The following MTX2 variants were observed in gnomAD, a reference collection of about 807,000 sequenced individuals.
MTX2 encodes the protein metaxin 2.
MTX2 carries 35 observed loss-of-function variants against 42.3 expected under a neutral mutation model. The ratio of observed to expected loss-of-function variants is 0.83; its 90% CI spans 0.63 to 1.10. MTX2 has a LOEUF of 1.10. MTX2 is among the 50% of genes least tolerant of loss of function. The pLI is 0.00. For synonymous variants in MTX2, 119 were observed against 100.9 expected, an observed-to-expected ratio of 1.18 and a Z score of -1.08; for missense variants, 307 against 304.1, an observed-to-expected ratio of 1.01 and a Z score of -0.07.
At chr2:176,270,686 G>A (rs1381304035) in intron 1 of MTX2, among the ~76,000 whole-genome samples, 21 of 152,142 alleles carry the variant, frequency 1.4e-4, no homozygotes, top group Non-Finnish European at 2.5e-4. Flanking sequence ...TCACTGCTTT[G>A]CGTTTGTGTG....
chr2:176,274,560 A>G (rs1453254403), intron 1 of MTX2, among the ~76,000 whole-genome samples: 1 of 152,160 alleles, frequency 6.6e-6, no homozygotes, highest in Admixed American at 6.5e-5. Context: ...CCACACACAC[A>G]CATGCATGTA....
chr2:176,334,043 G>A (rs151008474), intron 9 of MTX2, among the ~76,000 whole-genome samples: 1 of 151,732 alleles, frequency 6.6e-6, no homozygotes, highest in Non-Finnish European at 1.5e-5. Context: ...ATGTTCTAAA[G>A]TAACTTGCCA....
intron 3 of MTX2, among the ~76,000 whole-genome samples, chr2:176,312,181 G>A (rs558611033): frequency 1.3e-5 from 2 of 152,250 alleles, no homozygotes; most frequent in African/African-American, 4.8e-5. Flanking sequence ...TTTTAAAGCA[G>A]TGAGCTCTGA....
intron 3 of MTX2, among the ~76,000 whole-genome samples, chr2:176,303,647 A>C (rs897151551): frequency 1.3e-5 from 2 of 152,128 alleles, no homozygotes; most frequent in African/African-American, 4.8e-5. Flanking sequence ...AATAGAATTT[A>C]GCAGATTAAA....
rs141773754 is a variant in MTX2, at chr2:176,307,916, C to T, written c.135+10021C>T. 3.9e-5 allele frequency among the ~76,000 whole-genome samples: 6 copies of T among 152,206 alleles called. No homozygotes were observed. In the East Asian group the frequency reaches 1.2e-3, roughly 29 times the overall value. ...TCCTTCTCTTGCCTGATTGACCTGG[C>T]CAGAACTTCTAACACTGTGTTCAAT... On this transcript the variant is annotated intron_variant, in intron 3 of 9. Transcript: ENST00000249442.
intron 3 of MTX2, among the ~76,000 whole-genome samples, chr2:176,315,692 C>T (rs1361264038): frequency 6.6e-6 from 1 of 152,154 alleles, no homozygotes; most frequent in Non-Finnish European, 1.5e-5. Context: ...TTTTGGTTGC[C>T]TCTCTGATCC....
At chr2:176,292,753 T>C (rs894942223) in intron 1 of MTX2, among the ~76,000 whole-genome samples, 2 of 152,222 alleles carry the variant, frequency 1.3e-5, no homozygotes, top group African/African-American at 4.8e-5. Flanking sequence ...CATGTCATGG[T>C]TTACATGTAA....
Position 176,299,456 on chromosome 2 carries a change from A to G in MTX2, c.135+1561A>G, listed in dbSNP as rs74908415. 6.6e-3 allele frequency among the ~76,000 whole-genome samples: 1,011 copies of G among 152,250 alleles called. 4 individuals are homozygous for G. Among genetic ancestry groups the G allele is most frequent in the Non-Finnish European group, 0.011 (745 of 67,976 alleles). On this transcript the variant is annotated intron_variant, in intron 3 of 9. Transcript: ENST00000249442. The stretch of plus-strand genomic sequence containing the variant: ...TGTTAATTCTATTTTTATGATTTCT[A>G]TTAATTTGCTTTCTCAAATCATAGT...
chr2:176,312,022 C>T (rs188814779), intron 3 of MTX2, among the ~76,000 whole-genome samples: 82 of 152,282 alleles, frequency 5.4e-4, no homozygotes, highest in African/African-American at 1.5e-3. Context: ...CATTCCTGTT[C>T]GGCCCTCTTG....
At chr2:176,322,917 A>G (rs2105439422) in intron 3 of MTX2, among the ~76,000 whole-genome samples, 1 of 152,010 alleles carries the variant, frequency 6.6e-6, no homozygotes, top group Non-Finnish European at 1.5e-5. Flanking sequence ...TACATGTTGG[A>G]ATATAGGGTA....
intron 3 of MTX2, among the ~76,000 whole-genome samples, chr2:176,313,388 C>CTTTTTTTTTTTTTTTTTTTTTTT (rs1207416607): frequency 9.7e-6 from 1 of 103,510 alleles, no homozygotes; most frequent in African/African-American, 3.9e-5. Flanking sequence ...TACACTGATT[C>CTTTTTTTTTTTTTTTTTTTTTTT]TTTTTTTTTT....
chr2:176,272,622 A>T (rs2105390772), intron 1 of MTX2, among the ~76,000 whole-genome samples: 1 of 152,304 alleles, frequency 6.6e-6, no homozygotes, highest in African/African-American at 2.4e-5. Context: ...TCTGTTAAAT[A>T]CGTTGTCTTG....
intron 3 of MTX2, among the ~76,000 whole-genome samples, chr2:176,304,580 T>A (rs539781699): frequency 6.6e-6 from 1 of 152,016 alleles, no homozygotes. Flanking sequence ...AATTATTTTA[T>A]AGATAGATTT....
At chr2:176,317,102 C>G (rs1684465102) in intron 3 of MTX2, among the ~76,000 whole-genome samples, 1 of 150,444 alleles carries the variant, frequency 6.6e-6, no homozygotes, top group African/African-American at 2.4e-5. Context: ...CAAAAATTCA[C>G]ATGACTAAAA....
In MTX2 at chr2:176,281,772, A is replaced by C. The variant is rs73036831; in HGVS notation, c.40+12103A>C. Among the ~76,000 whole-genome samples, 1,251 of 152,094 alleles carry C rather than the reference A, an allele frequency of 8.2e-3. 18 individuals carry two copies. The highest frequency in any genetic ancestry group is 0.029 in the African/African-American group (1,208 of 41,484). ...ATAGAGGTTCTAAAGAAGGATGGGG[A>C]TAGATGGGGAGTTGGGGGTGAGTAG... On this transcript the variant is annotated intron_variant, in intron 1 of 9. Coordinates refer to ENST00000249442, the MANE Select transcript of MTX2 (RefSeq NM_006554.5).
chr2:176,326,084 C>T (rs1271276375), intron 4 of MTX2, among the ~76,000 whole-genome samples: 3 of 151,726 alleles, frequency 2.0e-5, no homozygotes, highest in African/African-American at 7.2e-5. Flanking sequence ...GTAGACCCTT[C>T]TTGCTATTTG....
intron 3 of MTX2, among the ~76,000 whole-genome samples, chr2:176,321,726 T>C (rs966576668): frequency 2.6e-5 from 4 of 152,110 alleles, no homozygotes; most frequent in Non-Finnish European, 4.4e-5. Flanking sequence ...GTCCAGAACT[T>C]TTAGTCCAGT....
rs1684801366 is a variant in MTX2 at position 176,329,428 on chromosome 2, T to C, written c.543+2T>C. 1.9e-6 allele frequency: 3 copies of C among 1,603,780 alleles called. No homozygotes were observed. The highest frequency in any genetic ancestry group is 2.6e-6 in the Non-Finnish European group (3 of 1,173,498). The stretch of plus-strand genomic sequence containing the variant: ...TGGGGAAAGAAGACTCTGGACCAGG[T>C]CAGTTCAGGTTGAAGTTGACAAAAC... On this transcript the variant is annotated splice_donor_variant, in intron 8 of 9. Coordinates refer to ENST00000249442, the MANE Select transcript of MTX2 (RefSeq NM_006554.5). LOFTEE classifies it high-confidence loss of function.
intron 3 of MTX2, among the ~76,000 whole-genome samples, chr2:176,323,143 T>G (rs1366601398): frequency 6.6e-6 from 1 of 151,872 alleles, no homozygotes; most frequent in Non-Finnish European, 1.5e-5. Context: ...AATTTACATT[T>G]TATTCCTTAG....
Sources: gnomAD v4.1 joint callset for allele counts (sites outside exome capture counted in the v4.1 genomes callset) on GRCh38, gnomAD v4.1.1 for gene constraint, MANE v1.5 for transcripts, NCBI Gene and HGNC (gene_info 2026-07-23, HGNC 2026-07-21) for gene names.